DIP2A: variants seen among roughly 807,000 people sequenced by gnomAD.
The protein encoded by DIP2A is disco-interacting protein 2 homolog A.
A neutral mutation model predicts 177.4 loss-of-function variants in DIP2A; 85 were observed. The observed-to-expected ratio is 0.48, with a 90% CI of 0.40 to 0.57. The LOEUF (loss-of-function observed/expected upper bound fraction) is 0.57, where lower values mean the gene tolerates loss of function less well. DIP2A is among the 20% of genes least tolerant of loss of function. The pLI, the probability that DIP2A is intolerant of heterozygous loss-of-function variation, is 0.00. For missense variants in DIP2A, 1,791 were observed against 2,100.2 expected (o/e 0.85, Z 2.88); for synonymous variants, 886 against 881.8 (o/e 1.00, Z -0.08).
chr21:46,510,595 A>T (rs553437879), intron 7 of DIP2A, among the ~76,000 whole-genome samples: 39 of 151,528 alleles, frequency 2.6e-4, no homozygotes, highest in African/African-American at 9.2e-4. Flanking sequence ...GATTAAAGTA[A>T]TCTTTTTCCA....
chr21:46,562,296 G>T (rs2060692551), intron 34 of DIP2A, among the ~76,000 whole-genome samples: 1 of 152,216 alleles, frequency 6.6e-6, no homozygotes, highest in Non-Finnish European at 1.5e-5. Flanking sequence ...TGCTGCAAGA[G>T]GTCAGCAGAC....
intron 20 of DIP2A, 114 bp downstream of exon 20, chr21:46,546,075 G>C (rs1016539174): frequency 7.0e-6 from 11 of 1,564,096 alleles, no homozygotes; most frequent in Non-Finnish European, 9.6e-6. Context: ...CTCCCATGTG[G>C]CCTTGGTCGG....
At chr21:46,463,813 A>G (rs11701569) in intron 1 of DIP2A, among the ~76,000 whole-genome samples, 51,618 of 150,992 alleles carry the variant, frequency 0.34, 9,262 homozygotes, top group Middle Eastern at 0.44. Context: ...GGTTCAAGCA[A>G]TTGTCCTGTC....
intron 1 of DIP2A, among the ~76,000 whole-genome samples, chr21:46,471,871 T>G (rs1368573739): frequency 6.6e-6 from 1 of 152,250 alleles, no homozygotes; most frequent in Non-Finnish European, 1.5e-5. Flanking sequence ...AGAAATCCTG[T>G]GTCTTCTTTC....
Position 46,480,937 on chromosome 21 carries a change from C to CT in DIP2A, c.92-3818dup, listed in dbSNP as rs1293058443. Among the ~76,000 whole-genome samples the CT allele has an allele frequency of 3.3e-5, 5 of 152,314 alleles. No individual in the cohort carries two copies. In the East Asian group the frequency reaches 9.7e-4, roughly 29 times the overall value. On this transcript the variant is annotated intron_variant, in intron 1 of 37. Coordinates refer to ENST00000417564, the MANE Select transcript of DIP2A (RefSeq NM_015151.4). ...ACCCAGCTGCTAACTGCCTGAAGTA[C>CT]TTCTTTGTCAGACACTCCTTTCAGA...
chr21:46,573,824 A>G (rs1419005891), downstream of DIP2A, among the ~76,000 whole-genome samples: 1 of 152,154 alleles, frequency 6.6e-6, no homozygotes, highest in African/African-American at 2.4e-5. Context: ...ACATTTACAC[A>G]TACAATGACA....
Position 46,537,425 on chromosome 21 carries a change from A to G in DIP2A, c.1708-21A>G. The G allele has an allele frequency of 6.2e-7, 1 of 1,613,764 alleles. No homozygotes were observed. The highest frequency in any genetic ancestry group is 8.5e-7 in the Non-Finnish European group (1 of 1,179,776). On this transcript the variant is annotated intron_variant, in intron 14 of 37. Coordinates refer to ENST00000417564, the MANE Select transcript of DIP2A (RefSeq NM_015151.4). The surrounding 1 kb of genome is among the most constrained non-coding windows in gnomAD (Gnocchi z 4.1). ...GTGTGGCTCGGGCCCACTCGCCCTA[A>G]GCATGTGTGCTCCCCCACAGAGCGT... is the stretch of plus-strand genomic sequence containing the variant.
At chr21:46,515,575 C>T (rs1338765798) in intron 8 of DIP2A, among the ~76,000 whole-genome samples, 2 of 151,934 alleles carry the variant, frequency 1.3e-5, no homozygotes, top group African/African-American at 4.8e-5. Context: ...TGTGTTCGGT[C>T]ACCCAGGCTG....
At chr21:46,534,460 T>G (rs2059480223) in intron 12 of DIP2A, 125 bp from the exon 13 acceptor site, 1 of 934,694 alleles carries the variant, frequency 1.1e-6, no homozygotes, top group Admixed American at 2.3e-5. Context: ...GGCTGCTGGT[T>G]AGAGGCCGAT....
chr21:46,522,986 C>T (rs527520529), intron 8 of DIP2A, among the ~76,000 whole-genome samples: 4 of 151,954 alleles, frequency 2.6e-5, no homozygotes, highest in South Asian at 2.1e-4. Flanking sequence ...AGTGTAATGG[C>T]GCGATCTCAG....
chr21:46,564,948 A>G (rs11911029), intron 35 of DIP2A, among the ~76,000 whole-genome samples: 19,901 of 152,256 alleles, frequency 0.13, 1,838 homozygotes, highest in African/African-American at 0.26. Flanking sequence ...TGAGCCAGGC[A>G]TGGTGACCCA....
At chr21:46,517,721 C>A (rs774812699) in intron 8 of DIP2A, among the ~76,000 whole-genome samples, 12 of 152,258 alleles carry the variant, frequency 7.9e-5, no homozygotes, top group Admixed American at 5.2e-4. Flanking sequence ...ACATGTCCTG[C>A]AGGAGGTGGC....
chr21:46,521,880 C>CA (rs749961065), intron 8 of DIP2A, among the ~76,000 whole-genome samples: 78 of 151,004 alleles, frequency 5.2e-4, no homozygotes, highest in South Asian at 1.5e-3. Context: ...TTAATCTAGG[C>CA]AAAAAAAAAT....
Position 46,557,477 on chromosome 21 carries a change from T to G in DIP2A, c.3630-108T>G, listed in dbSNP as rs1290150699. The G allele has an allele frequency of 1.5e-6, 2 of 1,338,832 alleles. No individual in the cohort carries two copies. The highest frequency in any genetic ancestry group is 2.9e-5 in the African/African-American group (2 of 68,696). 82.9% of individuals were successfully genotyped at this position (1,338,832 alleles called of 1,614,324 possible). ...CCCCCACTTGGCGTCAGAACAGAAA[T>G]CATGCCCCTGTTGTGGCTGGAAAAG... On this transcript the variant is annotated intron_variant, in intron 30 of 37. Transcript: ENST00000417564. The surrounding 1 kb of genome is among the most constrained non-coding windows in gnomAD (Gnocchi z 6.0).
chr21:46,537,427 C>A lies in DIP2A; in HGVS notation c.1708-19C>A. On this transcript the variant is annotated intron_variant, in intron 14 of 37. Coordinates refer to ENST00000417564, the MANE Select transcript of DIP2A (RefSeq NM_015151.4). The surrounding 1 kb of genome is among the most constrained non-coding windows in gnomAD (Gnocchi z 4.1). ...GTGGCTCGGGCCCACTCGCCCTAAG[C>A]ATGTGTGCTCCCCCACAGAGCGTCA... 6.2e-7 allele frequency: 1 copy of A among 1,613,560 alleles called. No homozygotes were observed. The highest frequency in any genetic ancestry group is 8.5e-7 in the Non-Finnish European group (1 of 1,179,644).
At chr21:46,466,704 G>T (rs1053209861) in intron 1 of DIP2A, among the ~76,000 whole-genome samples, 3 of 151,670 alleles carry the variant, frequency 2.0e-5, no homozygotes, top group Non-Finnish European at 2.9e-5. Flanking sequence ...TATCAAGGAA[G>T]AATGTCCACA....
intron 12 of DIP2A, 117 bp downstream of exon 12, chr21:46,534,230 T>C: frequency 1.3e-6 from 1 of 787,438 alleles, no homozygotes; most frequent in Non-Finnish European, 2.1e-6. Flanking sequence ...TAAGAGTTCT[T>C]GTTTTATCTC....
At chr21:46,515,647 C>T (rs1032745506) in intron 8 of DIP2A, among the ~76,000 whole-genome samples, 18 of 152,080 alleles carry the variant, frequency 1.2e-4, no homozygotes, top group South Asian at 2.1e-4. Context: ...GGTGATCCTC[C>T]CACCTCAGCC....
intron 3 of DIP2A, among the ~76,000 whole-genome samples, chr21:46,492,378 C>A (rs2057064464): frequency 6.6e-6 from 1 of 152,194 alleles, no homozygotes; most frequent in African/African-American, 2.4e-5. Context: ...AAACAGTGTT[C>A]TCTTGATGAT....
Sources: allele counts gnomAD v4.1 joint callset (sites outside exome capture counted in the v4.1 genomes callset), GRCh38; gene constraint gnomAD v4.1.1; non-coding constraint Gnocchi (gnomAD v3.1); transcripts MANE v1.5; gene names NCBI Gene and HGNC (gene_info 2026-07-23, HGNC 2026-07-21).